The following SUPT3H variants were observed in gnomAD, a reference collection of about 807,000 sequenced individuals.
SUPT3H encodes SPT3 homolog, SAGA and STAGA complex component.
In SUPT3H, 44 loss-of-function variants were observed where a neutral mutation model predicts 44.3. That is an observed-to-expected ratio of 0.99 (90% CI 0.78 to 1.28). The LOEUF is 1.28. SUPT3H is among the 50% of genes most tolerant of loss of function. The probability of loss-of-function intolerance (pLI) is 0.00; values close to 1 mark genes in which losing one functional copy is unlikely to be tolerated. For missense variants in SUPT3H, 380 were observed against 387.1 expected (o/e 0.98, Z 0.15); for synonymous variants, 124 against 125.6 (o/e 0.99, Z 0.09).
chr6:45,048,290 C>T (rs1223517480), intron 3 of SUPT3H, among the ~76,000 whole-genome samples: 1 of 108,798 alleles, frequency 9.2e-6, no homozygotes, highest in African/African-American at 4.0e-5. Flanking sequence ...CATCTATTTT[C>T]ACTTCTGTTG....
intron 2 of SUPT3H, among the ~76,000 whole-genome samples, chr6:45,263,863 A>G (rs1774812697): frequency 1.3e-5 from 2 of 152,168 alleles, no homozygotes; most frequent in African/African-American, 4.8e-5. Flanking sequence ...AACATTGTAT[A>G]TTATAGTCCA....
intron 3 of SUPT3H, among the ~76,000 whole-genome samples, chr6:45,078,444 C>T (rs1379134815): frequency 1.3e-5 from 2 of 152,168 alleles, no homozygotes; most frequent in African/African-American, 2.4e-5. Flanking sequence ...AAGATTTACA[C>T]AGTATCGTTA....
intron 2 of SUPT3H, among the ~76,000 whole-genome samples, chr6:45,171,548 G>A (rs1810765999): frequency 1.3e-5 from 2 of 151,976 alleles, no homozygotes; most frequent in Admixed American, 6.6e-5. Flanking sequence ...TATAACTGAA[G>A]AGGACCTTTC....
chr6:45,149,673 G>A lies in SUPT3H; in HGVS notation c.102-43667C>T, dbSNP rs116322581. Among the ~76,000 whole-genome samples the A allele has an allele frequency of 3.7e-3, 567 of 152,116 alleles. 8 individuals carry two copies. The highest frequency in any genetic ancestry group is 0.013 in the African/African-American group (522 of 41,488). On this transcript the variant is annotated intron_variant, in intron 2 of 10. Transcript: ENST00000371459. The stretch of plus-strand genomic sequence containing the variant: ...TGTCTTTAAATGTAGTATAAACCAG[G>A]AATCAAAGTAAGAATATACTAAGGT...
At chr6:45,120,318 C>A (rs1293738222) in intron 2 of SUPT3H, among the ~76,000 whole-genome samples, 1 of 142,860 alleles carries the variant, frequency 7.0e-6, no homozygotes, top group African/African-American at 2.6e-5. Context: ...GGCATGGTGG[C>A]TTCTGTTTAT....
At chr6:44,861,394 TG>T (rs1010584460) in intron 10 of SUPT3H, among the ~76,000 whole-genome samples, 7 of 52,782 alleles carry the variant, frequency 1.3e-4, no homozygotes, top group Admixed American at 1.3e-3. Flanking sequence ...CTTTTCTTTT[TG>T]TTTTTTTTTG....
At chr6:45,127,233 G>C (rs1033511350) in intron 2 of SUPT3H, among the ~76,000 whole-genome samples, 2 of 152,156 alleles carry the variant, frequency 1.3e-5, no homozygotes, top group African/African-American at 4.8e-5. Flanking sequence ...AGGGTTGCTT[G>C]AACCTGGGAG....
intron 2 of SUPT3H, among the ~76,000 whole-genome samples, chr6:45,211,774 C>T (rs972496934): frequency 4.0e-5 from 6 of 151,874 alleles, no homozygotes; most frequent in South Asian, 2.1e-4. Flanking sequence ...ACTTGAATCC[C>T]GGAGGCGGAC....
At chr6:44,860,570 T>G (rs932419497) in intron 10 of SUPT3H, among the ~76,000 whole-genome samples, 1 of 152,170 alleles carries the variant, frequency 6.6e-6, no homozygotes, top group Non-Finnish European at 1.5e-5. Flanking sequence ...TTCAACTGCT[T>G]TTGCCATTAT....
intron 3 of SUPT3H, among the ~76,000 whole-genome samples, chr6:45,032,642 TAAGGAAGC>T (rs550837819): frequency 1.5e-3 from 222 of 152,298 alleles, no homozygotes; most frequent in African/African-American, 5.1e-3. Flanking sequence ...AGTTACATTC[TAAGGAAGC>T]AAACAGCGTA....
At chr6:45,347,133 C>A (rs906024529) in intron 2 of SUPT3H, among the ~76,000 whole-genome samples, 2 of 151,914 alleles carry the variant, frequency 1.3e-5, no homozygotes, top group African/African-American at 4.8e-5. Flanking sequence ...GAAGCTAAGA[C>A]TAAAGAATTA....
chr6:45,238,615 T>C (rs1769670834), intron 2 of SUPT3H, among the ~76,000 whole-genome samples: 2 of 152,204 alleles, frequency 1.3e-5, no homozygotes, highest in Non-Finnish European at 2.9e-5. Flanking sequence ...CGACTCAGCA[T>C]TCACCTACTG....
chr6:45,145,153 T>A (rs768253401), intron 2 of SUPT3H, among the ~76,000 whole-genome samples: 3 of 151,790 alleles, frequency 2.0e-5, no homozygotes, highest in Admixed American at 6.6e-5. Flanking sequence ...TTTTCACAGA[T>A]CTAGAAAAAA....
chr6:45,284,192 G>C (rs538183664), intron 2 of SUPT3H, among the ~76,000 whole-genome samples: 2 of 152,098 alleles, frequency 1.3e-5, no homozygotes, highest in Non-Finnish European at 2.9e-5. Context: ...AACTGGAGAA[G>C]CAAGAGCAAA....
chr6:45,281,377 C>CG (rs921728710), intron 2 of SUPT3H, among the ~76,000 whole-genome samples: 1 of 152,192 alleles, frequency 6.6e-6, no homozygotes, highest in African/African-American at 2.4e-5. Context: ...CCTGGAAAAT[C>CG]GGGTCATTCC....
intron 2 of SUPT3H, among the ~76,000 whole-genome samples, chr6:45,220,617 G>T (rs932544304): frequency 1.3e-5 from 2 of 152,138 alleles, no homozygotes; most frequent in African/African-American, 4.8e-5. Context: ...ACACATATTG[G>T]AAACAAACAA....
At chr6:45,105,559 C>T (rs952396798) in intron 3 of SUPT3H, among the ~76,000 whole-genome samples, 1 of 152,034 alleles carries the variant, frequency 6.6e-6, no homozygotes, top group East Asian at 1.9e-4. Context: ...AATGTACATA[C>T]CTTAATTTAA....
rs148933415 is a variant in SUPT3H at position 44,987,983 on chromosome 6, T to C, written c.504+15670A>G. ...GATTGCTGGGCAGCGCCAAGGGTAT[T>C]TGAGATTCTTAGTGAAGTAAGAAAG... On this transcript the variant is annotated intron_variant, in intron 6 of 10. Transcript: ENST00000371459. Among the ~76,000 whole-genome samples, 504 of 152,208 alleles carry C rather than the reference T, an allele frequency of 3.3e-3. 6 individuals carry two copies. Among genetic ancestry groups the C allele is most frequent in the Admixed American group, 0.029 (436 of 15,258 alleles).
chr6:44,821,355 T>C (rs1201409052), intron 11 of SUPT3H, among the ~76,000 whole-genome samples: 2 of 152,204 alleles, frequency 1.3e-5, no homozygotes, highest in African/African-American at 4.8e-5. Flanking sequence ...TGACTGCTGA[T>C]AAAAATGATT....
Sources: allele counts gnomAD v4.1 joint callset (sites outside exome capture counted in the v4.1 genomes callset), GRCh38; gene constraint gnomAD v4.1.1; transcripts MANE v1.5; gene names NCBI Gene and HGNC (gene_info 2026-07-23, HGNC 2026-07-21).